Variants in SLC22A16 observed in about 807,000 individuals in gnomAD.
SLC22A16 encodes the protein WUGSC:RG331P03.1.
SLC22A16 carries 53 observed loss-of-function variants against 52.9 expected under a neutral mutation model. The observed-to-expected ratio is 1.00, with a 90% CI of 0.80 to 1.26. The LOEUF (loss-of-function observed/expected upper bound fraction) is 1.26, where lower values mean the gene tolerates loss of function less well. SLC22A16 is among the 50% of genes most tolerant of loss of function. The probability of loss-of-function intolerance (pLI) is 0.00; values close to 1 mark genes in which losing one functional copy is unlikely to be tolerated. For missense variants in SLC22A16, 726 were observed against 704.0 expected (o/e 1.03, Z -0.35); for synonymous variants, 291 against 268.8 (o/e 1.08, Z -0.81).
chr6:110,449,529 G>T (rs1320858207), intron 2 of SLC22A16, among the ~76,000 whole-genome samples: 1 of 152,034 alleles, frequency 6.6e-6, no homozygotes, highest in African/African-American at 2.4e-5. Flanking sequence ...ATAGGGATAG[G>T]ACTTTGTTTT....
chr6:110,475,846 G>C (rs976938585), intron 1 of SLC22A16: 1 of 451,048 alleles, frequency 2.2e-6, no homozygotes, highest in Non-Finnish European at 4.4e-6. Context: ...AAAAGAGGGT[G>C]TACGGAGGTT....
chr6:110,437,637 T>C (rs1774786832), intron 5 of SLC22A16, among the ~76,000 whole-genome samples: 1 of 152,268 alleles, frequency 6.6e-6, no homozygotes, highest in South Asian at 2.1e-4. Context: ...AATGTTGATA[T>C]ACTATTGCTT....
chr6:110,464,153 G>A (rs540816641), intron 1 of SLC22A16, among the ~76,000 whole-genome samples: 2 of 152,224 alleles, frequency 1.3e-5, no homozygotes, highest in South Asian at 2.1e-4. Context: ...GCAGTGCTAA[G>A]AGGAAAGCTT....
chr6:110,457,820 G>A (rs192069096), intron 1 of SLC22A16, among the ~76,000 whole-genome samples: 125 of 152,182 alleles, frequency 8.2e-4, no homozygotes, highest in African/African-American at 2.8e-3. Context: ...GTTACCAAGC[G>A]GACCATGGTC....
chr6:110,450,614 A>G (rs1186102902), intron 2 of SLC22A16, among the ~76,000 whole-genome samples: 2 of 150,180 alleles, frequency 1.3e-5, no homozygotes, highest in African/African-American at 4.9e-5. Context: ...ATCTTCTCAA[A>G]AAAAAAAAAA....
intron 2 of SLC22A16, among the ~76,000 whole-genome samples, chr6:110,449,507 G>T: frequency 6.6e-6 from 1 of 152,022 alleles, no homozygotes; most frequent in East Asian, 1.9e-4. Context: ...TCTTCACTTT[G>T]TTTTTCTTAA....
chr6:110,455,691 TCCCTC>T (rs1775622411), intron 2 of SLC22A16: 1 of 152,166 alleles, frequency 6.6e-6, no homozygotes, highest in South Asian at 2.1e-4. Context: ...ATGATAGTAT[TCCCTC>T]CAAAATTCAT....
At position 110,442,684 on chromosome 6, in the gene SLC22A16, G is replaced by A; in HGVS notation, c.743C>T (p.Ser248Phe). 1 of 1,614,078 alleles carries A rather than the reference G, an allele frequency of 6.2e-7. No homozygotes were observed. Among genetic ancestry groups the A allele is most frequent in the Non-Finnish European group, 8.5e-7 (1 of 1,179,982 alleles). ...SRTWASVHLH[S>F]FFAVGTLLVA... ...CAGCAGGGTTCCAACTGCAAAAAAG[G>A]AATGCAAATGGACAGACGCCCATGT... Residue 248 changes from serine to phenylalanine, a missense_variant, in exon 4 of 8, where the codon TCC becomes TTC. Transcript: ENST00000368919.
intron 3 of SLC22A16, among the ~76,000 whole-genome samples, chr6:110,444,121 G>A (rs1200053868): frequency 6.6e-6 from 1 of 152,168 alleles, no homozygotes; most frequent in East Asian, 1.9e-4. Context: ...GGTAAATTTT[G>A]TGTTATATGT....
chr6:110,430,594 C>T (rs551487960), intron 7 of SLC22A16, among the ~76,000 whole-genome samples: 50 of 152,290 alleles, frequency 3.3e-4, no homozygotes, highest in Admixed American at 1.6e-3. Flanking sequence ...CAGCAGTGCT[C>T]ACGTGCCTTC....
At chr6:110,458,405 G>C (rs548172275) in intron 1 of SLC22A16, among the ~76,000 whole-genome samples, 1 of 152,010 alleles carries the variant, frequency 6.6e-6, no homozygotes, top group Non-Finnish European at 1.5e-5. Flanking sequence ...TTATTTCTAC[G>C]ATCTCTCGTC....
intron 1 of SLC22A16, among the ~76,000 whole-genome samples, chr6:110,468,006 T>C (rs1184898841): frequency 6.6e-6 from 1 of 152,192 alleles, no homozygotes; most frequent in Non-Finnish European, 1.5e-5. Flanking sequence ...TAGAACCTCA[T>C]GTAGATAAAT....
At chr6:110,453,378 T>C (rs1775457188) in intron 2 of SLC22A16, among the ~76,000 whole-genome samples, 1 of 152,198 alleles carries the variant, frequency 6.6e-6, no homozygotes, top group Non-Finnish European at 1.5e-5. Flanking sequence ...AAAAATAATT[T>C]ATGAGAATCC....
rs574295538 is a variant in SLC22A16, at chr6:110,457,062, G to A, written c.54-45C>T. On this transcript the variant is annotated intron_variant, in intron 1 of 7. Transcript: ENST00000368919. ...AATTATTATATCTGGTCTATAGGCT[G>A]AAAAAGAACATAAGCAAATTTGAAG... 4.0e-6 allele frequency: 6 copies of A among 1,490,878 alleles called. No homozygotes were observed. In the African/African-American group the frequency reaches 5.6e-5, roughly 14 times the overall value. 92.4% of individuals were successfully genotyped at this position (1,490,878 alleles called of 1,614,324 possible).
intron 1 of SLC22A16, among the ~76,000 whole-genome samples, chr6:110,464,092 A>C (rs1775984963): frequency 6.6e-6 from 1 of 152,124 alleles, no homozygotes; most frequent in South Asian, 2.1e-4. Context: ...AAATGTTTTG[A>C]AATGAATGAA....
intron 1 of SLC22A16, among the ~76,000 whole-genome samples, chr6:110,463,761 G>A (rs867109185): frequency 2.8e-4 from 42 of 151,888 alleles, no homozygotes; most frequent in African/African-American, 9.6e-4. Flanking sequence ...TTGATCTGTC[G>A]ATTTGATTAT....
At chr6:110,425,508 C>G (rs1774225402) in intron 7 of SLC22A16, 2 of 768,192 alleles carry the variant, frequency 2.6e-6, no homozygotes, top group Non-Finnish European at 3.8e-6. Flanking sequence ...CAACCCTGTC[C>G]CTGCCCCAAT....
chr6:110,432,240 G>C (rs565298114), intron 6 of SLC22A16, among the ~76,000 whole-genome samples: 4 of 152,198 alleles, frequency 2.6e-5, no homozygotes, highest in African/African-American at 9.6e-5. Flanking sequence ...GCAGTGTTAG[G>C]GTGTTTAGGG....
chr6:110,476,498 C>CGGGGGGGG, intron 1 of SLC22A16, 24 bp downstream of exon 1: 1 of 368,390 alleles, frequency 2.7e-6, no homozygotes, highest in African/African-American at 3.2e-5. Flanking sequence ...TCCCGCGTGG[C>CGGGGGGGG]GCCGCGGGGC....
Sources: gnomAD v4.1 joint callset for allele counts (sites outside exome capture counted in the v4.1 genomes callset) on GRCh38, gnomAD v4.1.1 for gene constraint, MANE v1.5 for transcripts, NCBI Gene and HGNC (gene_info 2026-07-23, HGNC 2026-07-21) for gene names.